Variants in VCPIP1 observed in about 807,000 individuals in gnomAD.
VCPIP1 encodes deubiquitinating protein VCPIP1.
In VCPIP1, 8 loss-of-function variants were observed where a neutral mutation model predicts 85.0. The observed-to-expected ratio is 0.09, with a 90% CI of 0.06 to 0.17. The LOEUF is 0.17. Ranked by LOEUF, VCPIP1 falls within the 10% of genes least tolerant of loss-of-function variation. The pLI is 1.00. For synonymous variants in VCPIP1, 543 were observed against 544.5 expected, an observed-to-expected ratio of 1.00 and a Z score of 0.04; for missense variants, 1,070 against 1,486.3, an observed-to-expected ratio of 0.72 and a Z score of 4.61.
At chr8:66,646,174 G>A (rs1251313672) in intron 2 of VCPIP1, among the ~76,000 whole-genome samples, 2 of 151,440 alleles carry the variant, frequency 1.3e-5, no homozygotes, top group African/African-American at 4.9e-5. Flanking sequence ...CTGGGTTCAA[G>A]GGCTTCTCCT....
At chr8:66,656,523 T>A (rs939233074) in intron 1 of VCPIP1, among the ~76,000 whole-genome samples, 4 of 152,208 alleles carry the variant, frequency 2.6e-5, no homozygotes, top group Non-Finnish European at 5.9e-5. Flanking sequence ...AAAGGCAATT[T>A]GAATTTTTTA....
In VCPIP1 at chr8:66,665,106, A is replaced by G; in HGVS notation, c.1853T>C (p.Leu618Ser). 1.2e-6 allele frequency: 2 copies of G among 1,613,604 alleles called. No homozygotes were observed. Among genetic ancestry groups the G allele is most frequent in the Non-Finnish European group, 1.7e-6 (2 of 1,179,602 alleles). The change falls in exon 1 of 3, where the codon TTG becomes TCG. Residue 618 changes from leucine (L) to serine (S), a missense_variant. Leu to Ser is a moderately radical substitution (Grantham distance 145). Around this residue, in one of 8 missense-constraint regions of VCPIP1, gnomAD observed 123 missense variants for 156.3 expected, o/e 0.79. Transcript: ENST00000310421. The surrounding 1 kb of genome is among the most constrained non-coding windows in gnomAD (Gnocchi z 4.3). ...YWFQYESDSS[L>S]NSNVYDVAMK... ...TGCAACATCGTAAACATTACTATTC[A>G]AAGATGAATCACTTTCATACTGGAA...
intron 2 of VCPIP1, among the ~76,000 whole-genome samples, chr8:66,636,738 C>CA (rs2130144946): frequency 6.7e-6 from 1 of 150,236 alleles, no homozygotes; most frequent in South Asian, 2.1e-4. Flanking sequence ...AACAAGACTC[C>CA]ATCTAAAAAA....
At chr8:66,656,803 T>C (rs1329581274) in intron 1 of VCPIP1, among the ~76,000 whole-genome samples, 1 of 151,862 alleles carries the variant, frequency 6.6e-6, no homozygotes, top group Non-Finnish European at 1.5e-5. Context: ...AGATACAGGG[T>C]TTCACCATGT....
chr8:66,646,933 G>GAA (rs1811001081), intron 2 of VCPIP1, among the ~76,000 whole-genome samples: 1 of 152,120 alleles, frequency 6.6e-6, no homozygotes, highest in East Asian at 1.9e-4. Flanking sequence ...GCTGAGACAG[G>GAA]AGAATCACTT....
At chr8:66,644,367 G>A (rs142922257) in intron 2 of VCPIP1, among the ~76,000 whole-genome samples, 1 of 152,208 alleles carries the variant, frequency 6.6e-6, no homozygotes, top group African/African-American at 2.4e-5. Flanking sequence ...AGCAAGTAAA[G>A]TTCGTTCAAC....
intron 2 of VCPIP1, among the ~76,000 whole-genome samples, chr8:66,645,102 T>A (rs1586624331): frequency 8.2e-6 from 1 of 122,466 alleles, no homozygotes; most frequent in South Asian, 2.5e-4. Context: ...GGTGATGGAG[T>A]GAGACCCTGT....
At position 66,631,537 on chromosome 8, in the gene VCPIP1, C is replaced by T. The variant is rs1024284936; in HGVS notation, c.*2964G>A. 2 of 154,502 alleles carry T rather than the reference C, an allele frequency of 1.3e-5. No homozygotes were observed. Among genetic ancestry groups the T allele is most frequent in the African/African-American group, 4.8e-5 (2 of 41,512 alleles). 9.6% of individuals were successfully genotyped at this position (154,502 alleles called of 1,614,324 possible). On this transcript the variant is annotated 3_prime_UTR_variant, in exon 3 of 3. Transcript: ENST00000310421. Reference sequence around the variant, plus strand: ...ACCATATGCAAAAGTCAGTGTTCATCTCCAATGAAGATACTTAAAAATAAT... The same window carrying T: ...ACCATATGCAAAAGTCAGTGTTCATTTCCAATGAAGATACTTAAAAATAAT...
Position 66,634,360 on chromosome 8 carries a change from C to G in VCPIP1, c.*141G>C, listed in dbSNP as rs916691789. 5.3e-6 allele frequency: 5 copies of G among 948,230 alleles called. No homozygotes were observed. In the African/African-American group the frequency reaches 8.4e-5, roughly 16 times the overall value. 58.7% of individuals were successfully genotyped at this position (948,230 alleles called of 1,614,324 possible). A position where few individuals can be genotyped will look rare whatever the true frequency, so the allele number is the denominator to read the frequency against. On this transcript the variant is annotated 3_prime_UTR_variant, in exon 3 of 3. Transcript: ENST00000310421. ...AAAGCTATGGCCAATCACACACTTG[C>G]TATCATGCACTGAATAACAAGATAT...
chr8:66,666,128 A>G lies in VCPIP1; in HGVS notation c.831T>C (p.Phe277=). 6.2e-7 allele frequency: 1 copy of G among 1,614,216 alleles called. No individual in the cohort carries two copies. The highest frequency in any genetic ancestry group is 1.7e-5 in the Admixed American group (1 of 60,022). ...EDIINECDPL[F]VPPEGVPLGL... ...CCAAGGGAACACCCTCAGGTGGTAC[A>G]AACAGAGGGTCACACTCATTGATAA... The change falls in exon 1 of 3, where the codon TTT becomes TTC. Residue 277 remains phenylalanine (F), a synonymous_variant. Coordinates refer to ENST00000310421, the MANE Select transcript of VCPIP1 (RefSeq NM_025054.5). This position sits in a 1 kb window ranked among gnomAD's most constrained non-coding sequence, Gnocchi z 6.3.
intron 2 of VCPIP1, among the ~76,000 whole-genome samples, chr8:66,639,670 AAATAGT>A (rs1810928441): frequency 6.6e-6 from 1 of 152,176 alleles, no homozygotes; most frequent in Non-Finnish European, 1.5e-5. Flanking sequence ...TGAAGAACAG[AAATAGT>A]AATAGTATAG....
chr8:66,652,477 G>A (rs1276139677), intron 1 of VCPIP1, among the ~76,000 whole-genome samples: 3 of 152,138 alleles, frequency 2.0e-5, no homozygotes, highest in Admixed American at 2.0e-4. Context: ...AGCTGAACGT[G>A]GTGGCGTGCA....
At chr8:66,638,970 C>CTCTCTATATATATA in intron 2 of VCPIP1, among the ~76,000 whole-genome samples, 13 of 118,438 alleles carry the variant, frequency 1.1e-4, no homozygotes, top group African/African-American at 5.1e-4. Context: ...CTCTCTCTCT[C>CTCTCTATATATATA]TATATATATA....
In VCPIP1 at chr8:66,628,677, T is replaced by C. The variant is rs1234381912; in HGVS notation, c.*5824A>G. 1 of 152,236 alleles carries C rather than the reference T, an allele frequency of 6.6e-6. No homozygotes were observed. Among genetic ancestry groups the C allele is most frequent in the Non-Finnish European group, 1.5e-5 (1 of 68,044 alleles). The allele number at this position is 152,236 out of a possible 1,614,324, so 9.4% of individuals were successfully genotyped here. On this transcript the variant is annotated 3_prime_UTR_variant, in exon 3 of 3. Transcript: ENST00000310421. ...TTCTGATGGTATGTGACCAATGGCA[T>C]GCATATACAAGACCTCAAGTCCAAG...
intron 2 of VCPIP1, among the ~76,000 whole-genome samples, chr8:66,640,084 A>G (rs1386061298): frequency 6.6e-6 from 1 of 152,310 alleles, no homozygotes; most frequent in Non-Finnish European, 1.5e-5. Context: ...CCCCGAACTT[A>G]AAAATAATAG....
At position 66,634,172 on chromosome 8, in the gene VCPIP1, CG is replaced by C. The variant is rs1283429667; in HGVS notation, c.*328del. 1 of 188,998 alleles carries C rather than the reference CG, an allele frequency of 5.3e-6. No homozygotes were observed. The highest frequency in any genetic ancestry group is 2.3e-5 in the African/African-American group (1 of 42,842). The allele number at this position is 188,998 out of a possible 1,614,324, so 11.7% of individuals were successfully genotyped here. On this transcript the variant is annotated 3_prime_UTR_variant, in exon 3 of 3. Transcript: ENST00000310421. The stretch of plus-strand genomic sequence containing the variant: ...ATTTGTAGGCTTTTCAGAAATCAAA[CG>C]TATTTAAGTAAGAGAATTTTCATGT...
At chr8:66,654,348 T>G (rs1216502392) in intron 1 of VCPIP1, among the ~76,000 whole-genome samples, 1 of 152,200 alleles carries the variant, frequency 6.6e-6, no homozygotes, top group East Asian at 1.9e-4. Flanking sequence ...TGGTGGCACA[T>G]GCCTGTTATC....
Position 66,651,486 on chromosome 8 carries a change from T to C in VCPIP1, c.2769A>G (p.Val923=). The C allele has an allele frequency of 6.2e-7, 1 of 1,613,362 alleles. No homozygotes were observed. Among genetic ancestry groups the C allele is most frequent in the Non-Finnish European group, 8.5e-7 (1 of 1,179,784 alleles). ...GLPHMFQQGG[V]FYSIMKKTMG... The stretch of plus-strand genomic sequence containing the variant: ...TGGTTTTCTTCATAATACTGTAGAA[T>C]ACACCACCCTGCTGAAACATGTGAG... Residue 923 remains valine, a synonymous_variant, in exon 2 of 3, where the codon GTA becomes GTG. Transcript: ENST00000310421.
intron 1 of VCPIP1, among the ~76,000 whole-genome samples, chr8:66,658,280 G>A (rs1811119155): frequency 6.7e-6 from 1 of 150,304 alleles, no homozygotes; most frequent in South Asian, 2.1e-4. Flanking sequence ...GTTGCAGTGA[G>A]CCGAGATTGC....
Sources: allele counts gnomAD v4.1 joint callset (sites outside exome capture counted in the v4.1 genomes callset), GRCh38; gene constraint gnomAD v4.1.1; regional missense constraint gnomAD v4.1.1; non-coding constraint Gnocchi (gnomAD v3.1); transcripts MANE v1.5; gene names NCBI Gene and HGNC (gene_info 2026-07-23, HGNC 2026-07-21).